The following RNF144B variants were observed in gnomAD, a reference collection of about 807,000 sequenced individuals.
RNF144B encodes ring finger protein 144B, also known as E3 ubiquitin-protein ligase RNF144B.
Under a neutral mutation model 40.2 loss-of-function variants are expected in RNF144B, and 25 were observed. The ratio of observed to expected loss-of-function variants is 0.62; its 90% CI spans 0.45 to 0.87. The LOEUF (loss-of-function observed/expected upper bound fraction) is 0.87, where lower values mean the gene tolerates loss of function less well. Ranked by LOEUF, RNF144B falls within the 40% of genes least tolerant of loss-of-function variation. RNF144B has a pLI of 0.00. For synonymous variants in RNF144B, 145 were observed against 136.3 expected (o/e 1.06, Z -0.44); for missense variants, 365 against 373.7 (o/e 0.98, Z 0.19).
chr6:18,465,434 A>T lies in RNF144B; in HGVS notation c.*367A>T, dbSNP rs1759555426. ...AATGTGTTGTCATTGTTGGCAACAT[A>T]CAAGATAACCAAGAAGCTGGAGTCT... On this transcript the variant is annotated 3_prime_UTR_variant, in exon 8 of 8. Transcript: ENST00000259939. The T allele has an allele frequency of 5.1e-6, 1 of 195,310 alleles. No homozygotes were observed. The highest frequency in any genetic ancestry group is 1.0e-5 in the Non-Finnish European group (1 of 95,534). 12.1% of individuals were successfully genotyped at this position (195,310 alleles called of 1,614,324 possible). A position where few individuals can be genotyped will look rare whatever the true frequency, so the allele number is the denominator to read the frequency against.
In RNF144B at chr6:18,406,248, G is replaced by A; in HGVS notation, c.165+6549G>A. On this transcript the variant is annotated intron_variant, in intron 2 of 7. Transcript: ENST00000259939. The surrounding 1 kb of genome is among the most constrained non-coding windows in gnomAD (Gnocchi z 4.2). Reference sequence around the variant, plus strand: ...GGTGAGGGGGGTCAGGAGTGCTGTGGGGAAGAGGGACTTCTACTTTATTAG... The same window carrying A: ...GGTGAGGGGGGTCAGGAGTGCTGTGAGGAAGAGGGACTTCTACTTTATTAG... The A allele has an allele frequency of 2.1e-6, 1 of 482,644 alleles. No individual in the cohort carries two copies. The highest frequency in any genetic ancestry group is 1.5e-5 in the South Asian group (1 of 65,662). 29.9% of individuals were successfully genotyped at this position (482,644 alleles called of 1,614,324 possible).
At chr6:18,431,578 T>C (rs1758697329) in intron 3 of RNF144B, among the ~76,000 whole-genome samples, 1 of 152,214 alleles carries the variant, frequency 6.6e-6, no homozygotes, top group African/African-American at 2.4e-5. Flanking sequence ...TCTCAATGAC[T>C]ACTACTTCCT....
rs1332168610 is a variant in RNF144B at position 18,395,565 on chromosome 6, CTTGT to C, written c.-36-3930_-36-3927del. Among the ~76,000 whole-genome samples, 1 of 145,234 alleles carries C rather than the reference CTTGT, an allele frequency of 6.9e-6. No homozygotes were observed. Among genetic ancestry groups the C allele is most frequent in the Non-Finnish European group, 1.5e-5 (1 of 66,378 alleles). ...CAATGAATCAATGGTGAAAGGATTTCTTGTTTGATATTCTTTTTTTTTTTTAAAT... is the reference window on the plus strand; with the variant it reads ...CAATGAATCAATGGTGAAAGGATTTCTTGATATTCTTTTTTTTTTTTAAAT... On this transcript the variant is annotated intron_variant, in intron 1 of 7. Coordinates refer to ENST00000259939, the MANE Select transcript of RNF144B (RefSeq NM_182757.4). This position sits in a 1 kb window ranked among gnomAD's most constrained non-coding sequence, Gnocchi z 4.5.
Position 18,398,960 on chromosome 6 carries a change from C to A in RNF144B, c.-36-539C>A, listed in dbSNP as rs1160469744. Among the ~76,000 whole-genome samples the A allele has an allele frequency of 6.6e-6, 1 of 152,150 alleles. No individual in the cohort carries two copies. The highest frequency in any genetic ancestry group is 2.4e-5 in the African/African-American group (1 of 41,426). On this transcript the variant is annotated intron_variant, in intron 1 of 7. Transcript: ENST00000259939. The surrounding 1 kb of genome is among the most constrained non-coding windows in gnomAD (Gnocchi z 5.0). The stretch of plus-strand genomic sequence containing the variant: ...TCATAGTGATATTTCCCGCCCCTGA[C>A]CTTCATTAAGGTATAATTGACAAAT...
In RNF144B at chr6:18,444,257, C is replaced by T. The variant is rs1759030455; in HGVS notation, c.331+4513C>T. On this transcript the variant is annotated intron_variant, in intron 4 of 7. Transcript: ENST00000259939. This position sits in a 1 kb window ranked among gnomAD's most constrained non-coding sequence, Gnocchi z 4.3. ...GTTATTCTACCCGCTTTCCACCCATCTGTGACTTTTTGTCTGGCTGCCACT... is the reference window on the plus strand; with the variant it reads ...GTTATTCTACCCGCTTTCCACCCATTTGTGACTTTTTGTCTGGCTGCCACT... Among the ~76,000 whole-genome samples the T allele has an allele frequency of 6.6e-6, 1 of 152,202 alleles. No homozygotes were observed. Among genetic ancestry groups the T allele is most frequent in the African/African-American group, 2.4e-5 (1 of 41,454 alleles).
At chr6:18,452,544 G>A (rs1270869938) in intron 4 of RNF144B, among the ~76,000 whole-genome samples, 1 of 152,030 alleles carries the variant, frequency 6.6e-6, no homozygotes, top group Non-Finnish European at 1.5e-5. Context: ...TTTTCTAGGG[G>A]ACAGCTTAGT....
At chr6:18,463,495 G>A (rs1456622275) in intron 7 of RNF144B, 115 bp downstream of exon 7, 4 of 684,594 alleles carry the variant, frequency 5.8e-6, no homozygotes, top group African/African-American at 3.6e-5. Flanking sequence ...CAGCCTGGGA[G>A]CTTCTGGGGA....
Position 18,406,158 on chromosome 6 carries a change from A to T in RNF144B, c.165+6459A>T. 1 of 518,968 alleles carries T rather than the reference A, an allele frequency of 1.9e-6. No homozygotes were observed. Among genetic ancestry groups the T allele is most frequent in the Non-Finnish European group, 3.8e-6 (1 of 259,858 alleles). The allele number at this position is 518,968 out of a possible 1,614,324, so 32.1% of individuals were successfully genotyped here. ...GTTTTCAAATAACTCAACTTTTCGT[A>T]TGAGACATAGATGCTAACAAGTAAA... On this transcript the variant is annotated intron_variant, in intron 2 of 7. Transcript: ENST00000259939. This position sits in a 1 kb window ranked among gnomAD's most constrained non-coding sequence, Gnocchi z 4.2.
chr6:18,460,247 C>T lies in RNF144B; in HGVS notation c.681+496C>T, dbSNP rs1759420840. Reference sequence around the variant, plus strand: ...CTGTCCGCTTTCCTTGGCTTGTGGCCTCTTCCTCCATCTTCAAAGCCAGCA... The same window carrying T: ...CTGTCCGCTTTCCTTGGCTTGTGGCTTCTTCCTCCATCTTCAAAGCCAGCA... On this transcript the variant is annotated intron_variant, in intron 6 of 7. Coordinates refer to ENST00000259939, the MANE Select transcript of RNF144B (RefSeq NM_182757.4). The surrounding 1 kb of genome is among the most constrained non-coding windows in gnomAD (Gnocchi z 4.4). 6.6e-6 allele frequency among the ~76,000 whole-genome samples: 1 copy of T among 152,168 alleles called. No homozygotes were observed. The highest frequency in any genetic ancestry group is 2.4e-5 in the African/African-American group (1 of 41,434).
rs139214043 is a variant in RNF144B at position 18,419,459 on chromosome 6, G to A, written c.166-8122G>A. Among the ~76,000 whole-genome samples the A allele has an allele frequency of 4.0e-3, 604 of 152,240 alleles. 5 individuals are homozygous for A. Among genetic ancestry groups the A allele is most frequent in the African/African-American group, 0.014 (563 of 41,542 alleles). On this transcript the variant is annotated intron_variant, in intron 2 of 7. Coordinates refer to ENST00000259939, the MANE Select transcript of RNF144B (RefSeq NM_182757.4). This position sits in a 1 kb window ranked among gnomAD's most constrained non-coding sequence, Gnocchi z 4.6. ...GAAAGTGTAGAAAGAAGAGAGTTTA[G>A]GTCCTTTCCTGAAATTCCAGCATTT...
chr6:18,468,297 A>G lies in RNF144B; in HGVS notation c.*3230A>G, dbSNP rs1759615822. 1 of 152,220 alleles carries G rather than the reference A, an allele frequency of 6.6e-6. No homozygotes were observed. The highest frequency in any genetic ancestry group is 1.5e-5 in the Non-Finnish European group (1 of 68,040). 9.4% of individuals were successfully genotyped at this position (152,220 alleles called of 1,614,324 possible). On this transcript the variant is annotated 3_prime_UTR_variant, in exon 8 of 8. Coordinates refer to ENST00000259939, the MANE Select transcript of RNF144B (RefSeq NM_182757.4). ...ATTTTTTCTTGTTGTGAGGTAGGGA[A>G]GTGAGGAGGAAAGCCATGCCGAAGC...
At position 18,416,233 on chromosome 6, in the gene RNF144B, G is replaced by A. The variant is rs1243662675; in HGVS notation, c.166-11348G>A. On this transcript the variant is annotated intron_variant, in intron 2 of 7. Coordinates refer to ENST00000259939, the MANE Select transcript of RNF144B (RefSeq NM_182757.4). This position sits in a 1 kb window ranked among gnomAD's most constrained non-coding sequence, Gnocchi z 5.5. Reference sequence around the variant, plus strand: ...AAAAAGTGGGGCCTCCTTCTGTTAAGAAAGGCAGCACAAGTGGGACAAAAG... The same window carrying A: ...AAAAAGTGGGGCCTCCTTCTGTTAAAAAAGGCAGCACAAGTGGGACAAAAG... Among the ~76,000 whole-genome samples the A allele has an allele frequency of 6.6e-6, 1 of 152,180 alleles. No homozygotes were observed. Among genetic ancestry groups the A allele is most frequent in the Non-Finnish European group, 1.5e-5 (1 of 68,032 alleles).
In RNF144B at chr6:18,406,924, G is replaced by A. The variant is rs1794922480; in HGVS notation, c.165+7225G>A. Among the ~76,000 whole-genome samples, 1 of 152,102 alleles carries A rather than the reference G, an allele frequency of 6.6e-6. No individual in the cohort carries two copies. The highest frequency in any genetic ancestry group is 2.1e-4 in the South Asian group (1 of 4,828). On this transcript the variant is annotated intron_variant, in intron 2 of 7. Coordinates refer to ENST00000259939, the MANE Select transcript of RNF144B (RefSeq NM_182757.4). The surrounding 1 kb of genome is among the most constrained non-coding windows in gnomAD (Gnocchi z 4.2). ...AGGAAACTTACAATCATGGTGGAAG[G>A]GGAAGCAGCCACGTCTTACATAGTA...
rs747783761 is a variant in RNF144B at position 18,458,062 on chromosome 6, C to T, written c.536+703C>T. On this transcript the variant is annotated intron_variant, in intron 5 of 7. Transcript: ENST00000259939. This position sits in a 1 kb window ranked among gnomAD's most constrained non-coding sequence, Gnocchi z 4.8. ...AAGCGATTCTCCTGCCTCAGCCTCC[C>T]GATTAGCTGGGATTGCAGGCACTTG... is the stretch of plus-strand genomic sequence containing the variant. Among the ~76,000 whole-genome samples, 6 of 152,032 alleles carry T rather than the reference C, an allele frequency of 3.9e-5. No homozygotes were observed. Among genetic ancestry groups the T allele is most frequent in the East Asian group, 1.9e-4 (1 of 5,166 alleles).
Position 18,457,486 on chromosome 6 carries a change from CT to C in RNF144B, c.536+128del, listed in dbSNP as rs1322471797. 5.4e-6 allele frequency: 4 copies of C among 736,692 alleles called. No individual in the cohort carries two copies. The highest frequency in any genetic ancestry group is 1.7e-5 in the African/African-American group (1 of 57,484). The allele number at this position is 736,692 out of a possible 1,614,324, so 45.6% of individuals were successfully genotyped here. A position where few individuals can be genotyped will look rare whatever the true frequency, so the allele number is the denominator to read the frequency against. ...TTGGTTATTTTCCTGCAGAACTTCC[CT>C]GAGAAGTGTCTCAGAATTGGTAAGT... On this transcript the variant is annotated intron_variant, in intron 5 of 7. Coordinates refer to ENST00000259939, the MANE Select transcript of RNF144B (RefSeq NM_182757.4). The surrounding 1 kb of genome is among the most constrained non-coding windows in gnomAD (Gnocchi z 5.1).
At chr6:18,454,921 T>C (rs1486996481) in intron 4 of RNF144B, among the ~76,000 whole-genome samples, 1 of 152,224 alleles carries the variant, frequency 6.6e-6, no homozygotes, top group Admixed American at 6.5e-5. Context: ...AACAGTAATA[T>C]GTGTTTTAAG....
Position 18,465,839 on chromosome 6 carries a change from T to C in RNF144B, c.*772T>C, listed in dbSNP as rs2113545144. ...TCTCTTACAGCCAGTGGCTGTGGTC[T>C]ACAGAATTGTTTCATATAAAATACG... On this transcript the variant is annotated 3_prime_UTR_variant, in exon 8 of 8. Coordinates refer to ENST00000259939, the MANE Select transcript of RNF144B (RefSeq NM_182757.4). The C allele has an allele frequency of 6.6e-6, 1 of 152,394 alleles. No individual in the cohort carries two copies. The allele number at this position is 152,394 out of a possible 1,614,324, so 9.4% of individuals were successfully genotyped here. A position where few individuals can be genotyped will look rare whatever the true frequency, so the allele number is the denominator to read the frequency against.
chr6:18,409,945 A>G lies in RNF144B; in HGVS notation c.165+10246A>G, dbSNP rs1482066358. Among the ~76,000 whole-genome samples, 5 of 152,340 alleles carry G rather than the reference A, an allele frequency of 3.3e-5. No individual in the cohort carries two copies. In the East Asian group the frequency reaches 5.8e-4, roughly 18 times the overall value. ...TGGTATTCGGGTAAGGGGTGATGTT[A>G]TAATGTGGAACAGAATTTTATTTCT... On this transcript the variant is annotated intron_variant, in intron 2 of 7. Transcript: ENST00000259939.
intron 3 of RNF144B, among the ~76,000 whole-genome samples, chr6:18,432,990 G>A (rs1054515321): frequency 9.9e-5 from 15 of 152,266 alleles, no homozygotes; most frequent in Middle Eastern, 6.8e-3. Context: ...AGGAGGGATC[G>A]AGTACTGGGG....
Sources: gnomAD v4.1 joint callset for allele counts (sites outside exome capture counted in the v4.1 genomes callset) on GRCh38, gnomAD v4.1.1 for gene constraint, Gnocchi (gnomAD v3.1) non-coding constraint, MANE v1.5 for transcripts, NCBI Gene and HGNC (gene_info 2026-07-23, HGNC 2026-07-21) for gene names.